The following LRMDA variants were observed in gnomAD, a reference collection of about 807,000 sequenced individuals.
The protein encoded by LRMDA is leucine rich melanocyte differentiation associated.
A neutral mutation model predicts 29.8 loss-of-function variants in LRMDA; 18 were observed. The ratio of observed to expected loss-of-function variants is 0.60; its 90% CI spans 0.42 to 0.90. The LOEUF is 0.90. Among genes scored for constraint, LRMDA ranks in the 40% least tolerant of loss-of-function variants. The pLI, the probability that LRMDA is intolerant of heterozygous loss-of-function variation, is 0.00. For synonymous variants in LRMDA, 125 were observed against 109.4 expected, an observed-to-expected ratio of 1.14 and a Z score of -0.89; for missense variants, 273 against 273.9, an observed-to-expected ratio of 1.00 and a Z score of 0.02.
intron 2 of LRMDA, among the ~76,000 whole-genome samples, chr10:75,914,877 A>G (rs2057435): frequency 0.55 from 83,124 of 151,996 alleles, 23,525 homozygotes; most frequent in South Asian, 0.69. Flanking sequence ...TTGTGTTGTA[A>G]CCTATACAAA....
intron 2 of LRMDA, among the ~76,000 whole-genome samples, chr10:75,577,159 T>C (rs1840516799): frequency 6.6e-6 from 1 of 152,156 alleles, no homozygotes; most frequent in African/African-American, 2.4e-5. Context: ...TTAGACGAAT[T>C]GCTAACTAGA....
intron 2 of LRMDA, among the ~76,000 whole-genome samples, chr10:75,839,238 A>G (rs1045466774): frequency 6.6e-6 from 1 of 152,266 alleles, no homozygotes; most frequent in Non-Finnish European, 1.5e-5. Flanking sequence ...GCTGAGCATC[A>G]TTAAGCATGA....
At chr10:76,070,416 C>T (rs543703901) in intron 5 of LRMDA, among the ~76,000 whole-genome samples, 73 of 152,314 alleles carry the variant, frequency 4.8e-4, no homozygotes, top group African/African-American at 1.7e-3. Flanking sequence ...GGGCTCTCTT[C>T]CTGGCTTGTA....
intron 5 of LRMDA, among the ~76,000 whole-genome samples, chr10:76,240,226 G>A (rs879506972): frequency 4.0e-5 from 6 of 148,434 alleles, no homozygotes; most frequent in Admixed American, 1.3e-4. Context: ...ACACACATAC[G>A]CACACCATAG....
chr10:76,192,730 A>G (rs1261884963), intron 5 of LRMDA, among the ~76,000 whole-genome samples: 1 of 152,230 alleles, frequency 6.6e-6, no homozygotes, highest in African/African-American at 2.4e-5. Context: ...AATCTTTCCC[A>G]GCAATTTCTA....
In LRMDA at chr10:76,338,701, TA is replaced by T. The variant is rs10676765; in HGVS notation, c.601+14225del. 3.7e-3 allele frequency among the ~76,000 whole-genome samples: 551 copies of T among 150,898 alleles called. 4 individuals carry two copies. The highest frequency in any genetic ancestry group is 0.011 in the African/African-American group (449 of 41,166). ...AAGACAGAGCACTACCAGATTTGGT[TA>T]AAAAAAAATGTAAAATAAAATACTT... On this transcript the variant is annotated intron_variant, in intron 6 of 6. Coordinates refer to ENST00000611255, the MANE Select transcript of LRMDA (RefSeq NM_001305581.2).
chr10:76,445,241 G>T (rs746412091), intron 6 of LRMDA, among the ~76,000 whole-genome samples: 6 of 152,160 alleles, frequency 3.9e-5, no homozygotes, highest in Non-Finnish European at 5.9e-5. Flanking sequence ...CACAACACTT[G>T]CTGTGGTCAG....
At chr10:76,056,607 G>T (rs1848618575) in intron 4 of LRMDA, among the ~76,000 whole-genome samples, 1 of 152,244 alleles carries the variant, frequency 6.6e-6, no homozygotes, top group Non-Finnish European at 1.5e-5. Flanking sequence ...GGCTGAGGTG[G>T]CAGGGGGCTG....
chr10:76,219,476 A>G (rs1232931966), intron 5 of LRMDA, among the ~76,000 whole-genome samples: 1 of 152,220 alleles, frequency 6.6e-6, no homozygotes, highest in Non-Finnish European at 1.5e-5. Flanking sequence ...CTAGTCTCTG[A>G]TAAAACAGAC....
intron 5 of LRMDA, among the ~76,000 whole-genome samples, chr10:76,322,834 C>A (rs912764675): frequency 6.6e-6 from 1 of 152,010 alleles, no homozygotes; most frequent in Non-Finnish European, 1.5e-5. Flanking sequence ...GACCCCTGTA[C>A]CCTCACCCCA....
intron 2 of LRMDA, among the ~76,000 whole-genome samples, chr10:75,703,097 C>T (rs1229593870): frequency 6.6e-6 from 1 of 152,170 alleles, no homozygotes; most frequent in Non-Finnish European, 1.5e-5. Context: ...GATGTAAACT[C>T]ATTTTTCTTG....
chr10:75,771,174 A>G lies in LRMDA; in HGVS notation c.132-264834A>G, dbSNP rs567890881. Among the ~76,000 whole-genome samples, 3 of 152,206 alleles carry G rather than the reference A, an allele frequency of 2.0e-5. No homozygotes were observed. In the East Asian group the frequency reaches 5.8e-4, roughly 29 times the overall value. On this transcript the variant is annotated intron_variant, in intron 2 of 6. Coordinates refer to ENST00000611255, the MANE Select transcript of LRMDA (RefSeq NM_001305581.2). ...TCAAATGATCCAAGGGAGAGAAACAATTGCTTGGAAAATGGCCGTAGGGGA... is the reference window on the plus strand; with the variant it reads ...TCAAATGATCCAAGGGAGAGAAACAGTTGCTTGGAAAATGGCCGTAGGGGA...
chr10:76,352,156 C>T (rs1841184851), intron 6 of LRMDA, among the ~76,000 whole-genome samples: 1 of 152,004 alleles, frequency 6.6e-6, no homozygotes, highest in South Asian at 2.1e-4. Flanking sequence ...AATGGTAGTC[C>T]CCTTACCTCT....
intron 5 of LRMDA, among the ~76,000 whole-genome samples, chr10:76,299,466 A>C (rs1225337718): frequency 3.9e-5 from 6 of 152,136 alleles, no homozygotes; most frequent in Non-Finnish European, 7.3e-5. Context: ...ACCTGGACCC[A>C]GAAGTTCATA....
chr10:75,955,727 T>C (rs1846652538), intron 2 of LRMDA, among the ~76,000 whole-genome samples: 1 of 152,224 alleles, frequency 6.6e-6, no homozygotes, highest in Admixed American at 6.5e-5. Flanking sequence ...TTGCATTTCT[T>C]TGACTTCTCA....
intron 5 of LRMDA, among the ~76,000 whole-genome samples, chr10:76,276,336 G>A (rs1045812545): frequency 1.3e-5 from 2 of 151,668 alleles, no homozygotes; most frequent in Non-Finnish European, 2.9e-5. Context: ...CAGTGATGGG[G>A]TCTTGCTCTG....
intron 2 of LRMDA, among the ~76,000 whole-genome samples, chr10:75,639,140 C>A (rs1395965103): frequency 6.6e-6 from 1 of 152,122 alleles, no homozygotes; most frequent in African/African-American, 2.4e-5. Flanking sequence ...ATGAGAGTAC[C>A]ATTTTGCGTT....
At chr10:75,792,020 C>T (rs1043954228) in intron 2 of LRMDA, among the ~76,000 whole-genome samples, 2 of 150,942 alleles carry the variant, frequency 1.3e-5, no homozygotes, top group African/African-American at 2.4e-5. Flanking sequence ...CCACCACGCC[C>T]GGCTAATTTT....
intron 5 of LRMDA, among the ~76,000 whole-genome samples, chr10:76,084,170 GT>G (rs1335025152): frequency 1.3e-5 from 2 of 150,004 alleles, no homozygotes; most frequent in Non-Finnish European, 2.9e-5. Flanking sequence ...GGAATATTAT[GT>G]TTTTTCTTTT....
Sources: allele counts gnomAD v4.1 joint callset (sites outside exome capture counted in the v4.1 genomes callset), GRCh38; gene constraint gnomAD v4.1.1; transcripts MANE v1.5; gene names NCBI Gene and HGNC (gene_info 2026-07-23, HGNC 2026-07-21).